The following MASP1 variants were observed in gnomAD, a reference collection of about 807,000 sequenced individuals.
MASP1 encodes the protein mannan-binding lectin serine protease 1.
MASP1 carries 59 observed loss-of-function variants against 77.1 expected under a neutral mutation model. The ratio of observed to expected loss-of-function variants is 0.77; its 90% CI spans 0.62 to 0.95. MASP1 has a LOEUF of 0.95. Ranked by LOEUF, MASP1 falls within the 40% of genes least tolerant of loss-of-function variation. The pLI is 0.00. For synonymous variants in MASP1, 362 were observed against 354.5 expected (o/e 1.02, Z -0.24); for missense variants, 885 against 912.9 (o/e 0.97, Z 0.39).
chr3:187,276,348 G>A (rs1716968700), intron 2 of MASP1, among the ~76,000 whole-genome samples: 1 of 152,222 alleles, frequency 6.6e-6, no homozygotes, highest in Admixed American at 6.5e-5. Flanking sequence ...TCACTTCAGA[G>A]ATTTCTATCT....
chr3:187,236,476 G>A lies in MASP1; in HGVS notation c.1395C>T (p.Ala465=), dbSNP rs376490839. The A allele has an allele frequency of 6.1e-4, 985 of 1,613,898 alleles. No individual in the cohort carries two copies. The highest frequency in any genetic ancestry group is 7.9e-4 in the Non-Finnish European group (932 of 1,180,010). Residue 465 remains alanine (A), a synonymous_variant, in exon 11 of 11, where the codon GCC becomes GCT. Coordinates refer to ENST00000296280, the MANE Select transcript of MASP1 (RefSeq NM_139125.4). ...NAEPGLFPWQ[A]LIVVEDTSRV... ...TCGAAGTGTCCTCCACCACTATCAG[G>A]GCCTGCCACGGGAAGAGGCCAGGCT...
chr3:187,289,185 G>C (rs911971481), intron 1 of MASP1, among the ~76,000 whole-genome samples: 1 of 152,138 alleles, frequency 6.6e-6, no homozygotes. Flanking sequence ...CCCCCCGTAG[G>C]AACAGGCTAG....
At chr3:187,244,432 A>G (rs895015773) in intron 8 of MASP1, 6 of 152,280 alleles carry the variant, frequency 3.9e-5, no homozygotes, top group African/African-American at 7.2e-5. Context: ...TTTCATGGCC[A>G]TATCAGAGGC....
At chr3:187,249,758 A>G (rs1055494388) in intron 8 of MASP1, among the ~76,000 whole-genome samples, 4 of 152,334 alleles carry the variant, frequency 2.6e-5, no homozygotes, top group Middle Eastern at 3.4e-3. Flanking sequence ...GGAGCCAGTG[A>G]AGAGCTGTAT....
At chr3:187,260,375 G>A (rs1715459715) in intron 4 of MASP1, among the ~76,000 whole-genome samples, 1 of 152,218 alleles carries the variant, frequency 6.6e-6, no homozygotes, top group East Asian at 1.9e-4. Flanking sequence ...GAAGAGAAAA[G>A]GAGTTGCTGG....
exon 12 of MASP1, chr3:187,226,482 G>C: frequency 6.2e-7 from 1 of 1,612,900 alleles, no homozygotes; most frequent in Non-Finnish European, 8.5e-7. Flanking sequence ...TCGAGTGACT[G>C]GTGGAGGCAG....
intron 2 of MASP1, among the ~76,000 whole-genome samples, chr3:187,266,592 T>C (rs181439949): frequency 4.0e-4 from 60 of 150,984 alleles, no homozygotes; most frequent in Non-Finnish European, 7.8e-4. Flanking sequence ...GGGTAGGGGG[T>C]GGGTAGAGTA....
chr3:187,220,650 AC>A (rs1298625436), intron 15 of MASP1, among the ~76,000 whole-genome samples: 1 of 151,714 alleles, frequency 6.6e-6, no homozygotes, highest in African/African-American at 2.4e-5. Context: ...GGCACCTGCC[AC>A]CATGCCCGGC....
At chr3:187,270,770 G>A (rs1716456044) in intron 2 of MASP1, among the ~76,000 whole-genome samples, 1 of 152,194 alleles carries the variant, frequency 6.6e-6, no homozygotes, top group African/African-American at 2.4e-5. Context: ...GGCCACATAG[G>A]GCAGAGATGA....
intron 1 of MASP1, among the ~76,000 whole-genome samples, chr3:187,288,411 G>T (rs1718029043): frequency 6.6e-6 from 1 of 152,182 alleles, no homozygotes; most frequent in Non-Finnish European, 1.5e-5. Flanking sequence ...GAGGGCACTG[G>T]CCCTGGGTCA....
intron 2 of MASP1, among the ~76,000 whole-genome samples, chr3:187,273,229 T>C (rs705449): frequency 0.98 from 149,716 of 152,282 alleles, 73,639 homozygotes; most frequent in Middle Eastern, 1. Flanking sequence ...TTTGTGAGGA[T>C]TCACAACCCA....
chr3:187,259,227 CA>C (rs1715356071), intron 4 of MASP1, among the ~76,000 whole-genome samples: 1 of 152,084 alleles, frequency 6.6e-6, no homozygotes, highest in East Asian at 1.9e-4. Flanking sequence ...TGCTTATTTG[CA>C]AATGAGAAAA....
chr3:187,234,886 GC>G lies in MASP1; in HGVS notation c.*797del, dbSNP rs1713013600. On this transcript the variant is annotated 3_prime_UTR_variant, in exon 11 of 11. Coordinates refer to ENST00000296280, the MANE Select transcript of MASP1 (RefSeq NM_139125.4). ...CTTGTCTGGAGCAGCAGGTGTGGACGCCCATGGTGTCAGCTGGTGTTCCAGG... is the reference window on the plus strand; with the variant it reads ...CTTGTCTGGAGCAGCAGGTGTGGACGCCATGGTGTCAGCTGGTGTTCCAGG... The G allele has an allele frequency of 7.8e-7, 1 of 1,287,016 alleles. No homozygotes were observed. The highest frequency in any genetic ancestry group is 1.2e-5 in the South Asian group (1 of 80,930). 79.7% of individuals were successfully genotyped at this position (1,287,016 alleles called of 1,614,324 possible). A position where few individuals can be genotyped will look rare whatever the true frequency, so the allele number is the denominator to read the frequency against.
chr3:187,254,637 G>A (rs1714918305), intron 5 of MASP1, among the ~76,000 whole-genome samples: 1 of 152,268 alleles, frequency 6.6e-6, no homozygotes, highest in South Asian at 2.1e-4. Flanking sequence ...AATAGATTGT[G>A]TAGGGCAAGA....
At chr3:187,229,875 G>C (rs781142895), downstream of MASP1, 1 of 1,614,106 alleles carries the variant, frequency 6.2e-7, no homozygotes, top group East Asian at 2.2e-5. Context: ...TCAGCTTCCG[G>C]GAGAACTTGG....
At chr3:187,279,290 G>A (rs1433368103) in intron 2 of MASP1, among the ~76,000 whole-genome samples, 1 of 152,192 alleles carries the variant, frequency 6.6e-6, no homozygotes, top group Non-Finnish European at 1.5e-5. Context: ...GCATGGGGGA[G>A]CTATAGAGAA....
intron 4 of MASP1, among the ~76,000 whole-genome samples, chr3:187,257,572 A>G (rs1318352387): frequency 1.3e-5 from 2 of 152,004 alleles, no homozygotes; most frequent in African/African-American, 4.8e-5. Flanking sequence ...TTTTGTAGAG[A>G]TGGGGTCTTG....
chr3:187,231,923 G>T (rs142645067), downstream of MASP1, among the ~76,000 whole-genome samples: 1,400 of 152,326 alleles, frequency 9.2e-3, 14 homozygotes, highest in Non-Finnish European at 0.016. Flanking sequence ...AGAGCTAAAA[G>T]CCCATCCTGG....
At chr3:187,256,308 G>A (rs1266672206) in intron 5 of MASP1, among the ~76,000 whole-genome samples, 2 of 152,180 alleles carry the variant, frequency 1.3e-5, no homozygotes, top group Non-Finnish European at 2.9e-5. Context: ...AAGAAAAATA[G>A]TTTCATATGT....
Sources: allele counts gnomAD v4.1 joint callset (sites outside exome capture counted in the v4.1 genomes callset), GRCh38; gene constraint gnomAD v4.1.1; transcripts MANE v1.5; gene names NCBI Gene and HGNC (gene_info 2026-07-23, HGNC 2026-07-21).